Variants in PCDH15 observed in about 807,000 individuals in gnomAD.
PCDH15 encodes the protein protocadherin-15.
PCDH15 carries 129 observed loss-of-function variants against 178.5 expected under a neutral mutation model. The observed-to-expected ratio is 0.72, with a 90% CI of 0.63 to 0.84. The LOEUF (loss-of-function observed/expected upper bound fraction) is 0.84. PCDH15 is among the 40% of genes least tolerant of loss of function. The pLI is 0.00. For missense variants in PCDH15, 2,230 were observed against 2,099.9 expected (o/e 1.06, Z -1.21); for synonymous variants, 800 against 732.0 (o/e 1.09, Z -1.50).
chr10:54,759,411 T>C (rs773941482), intron 1 of PCDH15, among the ~76,000 whole-genome samples: 75 of 152,192 alleles, frequency 4.9e-4, no homozygotes, highest in Non-Finnish European at 1.8e-4. Flanking sequence ...CTAAAAAGGA[T>C]ATATTAATAA....
chr10:54,323,729 T>C (rs2061752387), intron 7 of PCDH15, among the ~76,000 whole-genome samples: 1 of 151,958 alleles, frequency 6.6e-6, no homozygotes, highest in Admixed American at 6.6e-5. Context: ...GGAGAGAGAA[T>C]GGATCAAAAA....
At chr10:54,815,130 C>T (rs1952927710) in intron 3 of PCDH15, among the ~76,000 whole-genome samples, 2 of 145,034 alleles carry the variant, frequency 1.4e-5, no homozygotes, top group Admixed American at 1.4e-4. Flanking sequence ...GATTTTTGTT[C>T]AATAAATATG....
intron 26 of PCDH15, among the ~76,000 whole-genome samples, chr10:53,875,915 A>T (rs1347948869): frequency 6.6e-6 from 1 of 150,406 alleles, no homozygotes; most frequent in Non-Finnish European, 1.5e-5. Flanking sequence ...TATTAGTGAA[A>T]TAATTAGTGA....
chr10:54,435,054 A>G (rs1056313207), intron 3 of PCDH15, among the ~76,000 whole-genome samples: 5 of 115,454 alleles, frequency 4.3e-5, no homozygotes, highest in African/African-American at 1.6e-4. Context: ...TTTTAAACTT[A>G]TCTTACTTCC....
At chr10:54,378,979 A>T (rs1948840540) in intron 3 of PCDH15, 37 bp from the exon 4 acceptor site, 3 of 1,609,220 alleles carry the variant, frequency 1.9e-6, no homozygotes, top group Non-Finnish European at 1.7e-6. Flanking sequence ...AACATATTCT[A>T]CTCATATGAA....
At chr10:54,083,989 G>A (rs2094475561) in intron 16 of PCDH15, among the ~76,000 whole-genome samples, 1 of 152,084 alleles carries the variant, frequency 6.6e-6, no homozygotes, top group African/African-American at 2.4e-5. Context: ...ACTTTGGGTG[G>A]CTGAGGCAAG....
intron 3 of PCDH15, among the ~76,000 whole-genome samples, chr10:54,410,532 C>T (rs1423618480): frequency 1.3e-5 from 2 of 151,960 alleles, no homozygotes; most frequent in African/African-American, 4.8e-5. Context: ...CTTGTAGATA[C>T]TATATAAAAT....
chr10:54,106,696 T>G (rs1486101256), intron 15 of PCDH15, among the ~76,000 whole-genome samples: 1 of 152,058 alleles, frequency 6.6e-6, no homozygotes, highest in African/African-American at 2.4e-5. Context: ...TCCACACACA[T>G]AAGAAAATTT....
At chr10:53,878,465 G>T (rs574666094) in intron 26 of PCDH15, among the ~76,000 whole-genome samples, 3 of 135,568 alleles carry the variant, frequency 2.2e-5, no homozygotes, top group African/African-American at 8.2e-5. Context: ...GTGTGTGTAT[G>T]CCATAGTATA....
chr10:54,691,906 T>A (rs1209545181), intron 1 of PCDH15, among the ~76,000 whole-genome samples: 1 of 152,126 alleles, frequency 6.6e-6, no homozygotes, highest in Non-Finnish European at 1.5e-5. Context: ...AAATAGAAAG[T>A]TTATGTTCCG....
chr10:54,250,077 C>CTATTTTTTTTTTTTTTTTTTTT (rs1412806029), intron 8 of PCDH15, among the ~76,000 whole-genome samples: 6 of 137,804 alleles, frequency 4.4e-5, no homozygotes, highest in African/African-American at 1.6e-4. Flanking sequence ...CCACATCCGG[C>CTATTTTTTTTTTTTTTTTTTTT]TTTTTTTTTT....
intron 8 of PCDH15, among the ~76,000 whole-genome samples, chr10:54,313,676 C>G (rs542383578): frequency 7.2e-6 from 1 of 138,290 alleles, no homozygotes; most frequent in Non-Finnish European, 1.7e-5. Flanking sequence ...ATATTCAACA[C>G]ATGCAACCAG....
intron 2 of PCDH15, among the ~76,000 whole-genome samples, chr10:54,641,645 T>C (rs1347066528): frequency 2.0e-5 from 3 of 152,056 alleles, no homozygotes; most frequent in Non-Finnish European, 4.4e-5. Flanking sequence ...TTTTTCTTTA[T>C]CTATTTTTCA....
At chr10:55,538,750 T>C (rs942130375) in intron 2 of PCDH15, among the ~76,000 whole-genome samples, 6 of 94,616 alleles carry the variant, frequency 6.3e-5, no homozygotes, top group Non-Finnish European at 8.9e-5. Context: ...CTTCCTTCCT[T>C]CCTCCCTTCC....
At chr10:54,140,403 G>A (rs763809957) in intron 14 of PCDH15, among the ~76,000 whole-genome samples, 7 of 151,630 alleles carry the variant, frequency 4.6e-5, no homozygotes, top group Admixed American at 6.6e-5. Context: ...TTTGGCTCTG[G>A]GTAACACTGT....
chr10:54,926,927 A>AT (rs58590216), intron 2 of PCDH15, among the ~76,000 whole-genome samples: 2 of 151,572 alleles, frequency 1.3e-5, no homozygotes, highest in Non-Finnish European at 2.9e-5. Flanking sequence ...ATTTTTTAAA[A>AT]TTTTTTTTTA....
chr10:54,658,527 T>C (rs1218818265), intron 2 of PCDH15, among the ~76,000 whole-genome samples: 1 of 152,146 alleles, frequency 6.6e-6, no homozygotes, highest in Non-Finnish European at 1.5e-5. Flanking sequence ...AAAATTTTTA[T>C]AACCTACTAA....
chr10:53,963,922 A>T (rs904214092), intron 21 of PCDH15, among the ~76,000 whole-genome samples: 4 of 152,160 alleles, frequency 2.6e-5, no homozygotes, highest in Non-Finnish European at 5.9e-5. Flanking sequence ...ATGATTTTGC[A>T]TCACACACAA....
At chr10:55,077,263 T>G (rs1015654459) in intron 2 of PCDH15, among the ~76,000 whole-genome samples, 1 of 152,300 alleles carries the variant, frequency 6.6e-6, no homozygotes, top group East Asian at 1.9e-4. Flanking sequence ...TAATTTAATC[T>G]ATTTACATTC....
Sources: allele counts gnomAD v4.1 joint callset (sites outside exome capture counted in the v4.1 genomes callset), GRCh38; gene constraint gnomAD v4.1.1; transcripts MANE v1.5; gene names NCBI Gene and HGNC (gene_info 2026-07-23, HGNC 2026-07-21).